The following MATN3 variants were observed in gnomAD, a reference collection of about 807,000 sequenced individuals.
The protein encoded by MATN3 is matrilin 3.
Under a neutral mutation model 45.3 loss-of-function variants are expected in MATN3, and 48 were observed. The ratio of observed to expected loss-of-function variants is 1.06; its 90% confidence interval spans 0.84 to 1.35. The LOEUF (loss-of-function observed/expected upper bound fraction) is 1.35. Ranked by LOEUF, MATN3 falls within the 40% of genes most tolerant of loss-of-function variation. The pLI, the probability that MATN3 is intolerant of heterozygous loss-of-function variation, is 0.00. For missense variants in MATN3, 599 were observed against 628.0 expected, an observed-to-expected ratio of 0.95 and a Z score of 0.49; for synonymous variants, 217 against 245.9, an observed-to-expected ratio of 0.88 and a Z score of 1.10.
intron 2 of MATN3, 90 bp from the exon 3 acceptor site, chr2:20,003,376 C>A (rs984199936): frequency 9.2e-6 from 12 of 1,307,734 alleles, no homozygotes; most frequent in Non-Finnish European, 1.2e-5. Flanking sequence ...GCTCTCTGGG[C>A]TCCTTTCCGA....
At position 19,992,292 on chromosome 2, in the gene MATN3, A is replaced by C. The variant is rs2103477055; in HGVS notation, c.*819T>G. 1 of 152,256 alleles carries C rather than the reference A, an allele frequency of 6.6e-6. No individual in the cohort carries two copies. The highest frequency in any genetic ancestry group is 1.5e-5 in the Non-Finnish European group (1 of 67,960). The allele number at this position is 152,256 out of a possible 1,614,324, so 9.4% of individuals were successfully genotyped here. A position where few individuals can be genotyped will look rare whatever the true frequency, so the allele number is the denominator to read the frequency against. ...AGACTTTCAAGCCTGTAATCCCAGC[A>C]CTTTGGGAGGCTGAGGCAGGTGGAT... is the stretch of plus-strand genomic sequence containing the variant. On this transcript the variant is annotated 3_prime_UTR_variant, in exon 8 of 8. Coordinates refer to ENST00000407540, the MANE Select transcript of MATN3 (RefSeq NM_002381.5).
intron 1 of MATN3, among the ~76,000 whole-genome samples, chr2:20,009,091 G>A (rs926655328): frequency 1.3e-4 from 20 of 151,890 alleles, no homozygotes; most frequent in Admixed American, 5.3e-4. Flanking sequence ...CAGGCATGGT[G>A]GCAGGCACCT....
chr2:20,010,115 G>A (rs1188978969), intron 1 of MATN3, among the ~76,000 whole-genome samples: 1 of 127,914 alleles, frequency 7.8e-6, no homozygotes, highest in Non-Finnish European at 1.6e-5. Context: ...CTTCATTCCT[G>A]GAAAGTCCCA....
intron 3 of MATN3, 28 bp from the exon 4 acceptor site, chr2:20,002,108 A>G (rs1447399251): frequency 1.0e-5 from 16 of 1,603,176 alleles, no homozygotes; most frequent in Non-Finnish European, 1.3e-5. Flanking sequence ...GGACAAATGT[A>G]AATGCATGCA....
Position 20,012,660 on chromosome 2 carries a change from G to A in MATN3, c.-29C>T, listed in dbSNP as rs1673243300. ...GGGCTCCGTGGGCCTGGTGGTGTCC[G>A]TCGGGGGCCAGGAGCCCACGCGAGG... is the stretch of plus-strand genomic sequence containing the variant. On this transcript the variant is annotated 5_prime_UTR_variant, in exon 1 of 8. The change creates a new upstream start codon in the 5' untranslated region. Transcript: ENST00000407540. The surrounding 1 kb of genome is among the most constrained non-coding windows in gnomAD (Gnocchi z 4.3). 3.6e-6 allele frequency: 4 copies of A among 1,107,150 alleles called. No individual in the cohort carries two copies. In the African/African-American group the frequency reaches 6.5e-5, roughly 18 times the overall value. The allele number at this position is 1,107,150 out of a possible 1,614,324, so 68.6% of individuals were successfully genotyped here.
chr2:20,003,352 T>A (rs926518208), intron 2 of MATN3, 66 bp from the exon 3 acceptor site: 4 of 1,478,060 alleles, frequency 2.7e-6, no homozygotes, highest in Middle Eastern at 1.8e-4. Flanking sequence ...CCGTCTCCCA[T>A]GTCAATAGAC....
chr2:19,998,879 G>A (rs934750205), intron 5 of MATN3, among the ~76,000 whole-genome samples: 6 of 152,162 alleles, frequency 3.9e-5, no homozygotes, highest in African/African-American at 1.4e-4. Context: ...TAGTGGTTAA[G>A]AGCCTATGTA....
chr2:19,992,978 G>T lies in MATN3; in HGVS notation c.*133C>A. On this transcript the variant is annotated 3_prime_UTR_variant, in exon 8 of 8. Transcript: ENST00000407540. Reference sequence around the variant, plus strand: ...AGAAGATCTTCATACAATTTATCCAGTAATATTCAAGCATTAATACAGATA... The same window carrying T: ...AGAAGATCTTCATACAATTTATCCATTAATATTCAAGCATTAATACAGATA... 1 of 707,144 alleles carries T rather than the reference G, an allele frequency of 1.4e-6. No individual in the cohort carries two copies. The highest frequency in any genetic ancestry group is 2.5e-6 in the Non-Finnish European group (1 of 398,686). 43.8% of individuals were successfully genotyped at this position (707,144 alleles called of 1,614,324 possible).
In MATN3 at chr2:20,012,073, G is replaced by A. The variant is rs1572388703; in HGVS notation, c.223+336C>T. The stretch of plus-strand genomic sequence containing the variant: ...AACTAACAGCAGAGTCTCAGGAAGG[G>A]TTTGCTCACTGAATGGAGAGGTCAG... On this transcript the variant is annotated intron_variant, in intron 1 of 7. Coordinates refer to ENST00000407540, the MANE Select transcript of MATN3 (RefSeq NM_002381.5). This position sits in a 1 kb window ranked among gnomAD's most constrained non-coding sequence, Gnocchi z 4.3. Among the ~76,000 whole-genome samples the A allele has an allele frequency of 6.6e-6, 1 of 152,188 alleles. No homozygotes were observed. Among genetic ancestry groups the A allele is most frequent in the South Asian group, 2.1e-4 (1 of 4,832 alleles).
chr2:20,007,594 A>G (rs1332102376), intron 1 of MATN3, among the ~76,000 whole-genome samples: 1 of 152,232 alleles, frequency 6.6e-6, no homozygotes, highest in Non-Finnish European at 1.5e-5. Flanking sequence ...TTCCAGCTTC[A>G]TGAGCATGTC....
At position 20,010,067 on chromosome 2, in the gene MATN3, TAAAAAAAAAAAAAAAAAAA is replaced by T. The variant is rs57140153; in HGVS notation, c.223+2323_223+2341del. On this transcript the variant is annotated intron_variant, in intron 1 of 7. Coordinates refer to ENST00000407540, the MANE Select transcript of MATN3 (RefSeq NM_002381.5). ...TCTCAGAATAAATCTCTTCAAATAC[TAAAAAAAAAAAAAAAAAAA>T]AAAACCTCCAGAATTTTACTTCATT... is the stretch of plus-strand genomic sequence containing the variant. 3.3e-4 allele frequency among the ~76,000 whole-genome samples: 23 copies of T among 68,708 alleles called. 1 individual carries two copies. The highest frequency in any genetic ancestry group is 1.7e-3 in the African/African-American group (23 of 13,858). 45.1% of individuals were successfully genotyped at this position (68,708 alleles called of 152,430 possible).
chr2:19,993,985 G>C (rs1672809514), intron 7 of MATN3, among the ~76,000 whole-genome samples: 1 of 152,092 alleles, frequency 6.6e-6, no homozygotes, highest in Admixed American at 6.6e-5. Flanking sequence ...TCTGAACTAA[G>C]AAAGCCATAT....
At position 19,995,422 on chromosome 2, in the gene MATN3, C is replaced by T. The variant is rs1010393998; in HGVS notation, c.1295-1013G>A. The stretch of plus-strand genomic sequence containing the variant: ...GAGCTGAGATCGCACCACTGCACTC[C>T]AGCCTGGGTGACAGATTGAAATGTC... On this transcript the variant is annotated intron_variant, in intron 6 of 7. Transcript: ENST00000407540. This position sits in a 1 kb window ranked among gnomAD's most constrained non-coding sequence, Gnocchi z 4.2. 2.6e-5 allele frequency among the ~76,000 whole-genome samples: 4 copies of T among 152,088 alleles called. No individual in the cohort carries two copies. The highest frequency in any genetic ancestry group is 5.9e-5 in the Non-Finnish European group (4 of 68,016).
At chr2:19,996,451 G>A (rs1307764098) in intron 6 of MATN3, among the ~76,000 whole-genome samples, 1 of 151,950 alleles carries the variant, frequency 6.6e-6, no homozygotes, top group African/African-American at 2.4e-5. Context: ...TAGTAACCAG[G>A]AAATGAAAAA....
At position 20,012,578 on chromosome 2, in the gene MATN3, C is replaced by T. The variant is rs1031688162; in HGVS notation, c.54G>A (p.Trp18Ter). The T allele has an allele frequency of 2.0e-5, 24 of 1,226,712 alleles. No individual in the cohort carries two copies. Among genetic ancestry groups the T allele is most frequent in the Non-Finnish European group, 2.1e-5 (21 of 985,636 alleles). The allele number at this position is 1,226,712 out of a possible 1,614,324, so 76.0% of individuals were successfully genotyped here. Residue 18 changes from tryptophan (W) to a stop codon, truncating the protein, a stop_gained, in exon 1 of 8, where the codon TGG becomes TGA. Coordinates refer to ENST00000407540, the MANE Select transcript of MATN3 (RefSeq NM_002381.5). LOFTEE classifies it high-confidence loss of function. The surrounding 1 kb of genome is among the most constrained non-coding windows in gnomAD (Gnocchi z 4.3). ...RRLPGLLLLLWPLLLLPSAAP... is the reference protein window; with the variant it reads ...RRLPGLLLLL The stretch of plus-strand genomic sequence containing the variant: ...CGGCGGAGGGCAGCAGCAGCAGCGG[C>T]CAGAGCAGCAGGAGGAGTCCCGGGA...
chr2:20,012,499 C>T lies in MATN3; in HGVS notation c.133G>A (p.Gly45Arg), dbSNP rs1052839893. The change falls in exon 1 of 8, where the codon GGG becomes AGG. Residue 45 changes from glycine to arginine, a missense_variant. By Grantham distance (125) the Gly-to-Arg change is moderately radical. Coordinates refer to ENST00000407540, the MANE Select transcript of MATN3 (RefSeq NM_002381.5). The surrounding 1 kb of genome is among the most constrained non-coding windows in gnomAD (Gnocchi z 4.3). ...GAGGGGCGGCGTCCAGGGCTGCCCC[C>T]GGGACCTCGGGTCTCCAGCCTCCGG... ...GFRRLETRGP[G>R]GSPGRRPSPA... The T allele has an allele frequency of 8.1e-7, 1 of 1,228,578 alleles. No homozygotes were observed. The highest frequency in any genetic ancestry group is 1.0e-6 in the Non-Finnish European group (1 of 986,034). The allele number at this position is 1,228,578 out of a possible 1,614,324, so 76.1% of individuals were successfully genotyped here.
intron 4 of MATN3, 97 bp downstream of exon 4, chr2:20,001,858 A>C: frequency 8.1e-7 from 1 of 1,234,336 alleles, no homozygotes; most frequent in Admixed American, 2.2e-5. Context: ...AGAGAGGAAA[A>C]CACACCAACT....
At chr2:20,005,643 C>T (rs1013021352) in intron 2 of MATN3, 101 bp downstream of exon 2, 26 of 1,075,874 alleles carry the variant, frequency 2.4e-5, no homozygotes, top group Non-Finnish European at 3.1e-5. Flanking sequence ...TTAAGTTTTT[C>T]ATTAAATTTC....
Position 19,992,799 on chromosome 2 carries a change from A to T in MATN3, c.*312T>A, listed in dbSNP as rs1301097731. ...TATGGTTATCTAATATAAACATTTA[A>T]AAATTAAATGGCTCAATTAGTAGAT... On this transcript the variant is annotated 3_prime_UTR_variant, in exon 8 of 8. Coordinates refer to ENST00000407540, the MANE Select transcript of MATN3 (RefSeq NM_002381.5). 2 of 293,284 alleles carry T rather than the reference A, an allele frequency of 6.8e-6. No individual in the cohort carries two copies. The highest frequency in any genetic ancestry group is 6.3e-6 in the Non-Finnish European group (1 of 158,958). 18.2% of individuals were successfully genotyped at this position (293,284 alleles called of 1,614,324 possible). A position where few individuals can be genotyped will look rare whatever the true frequency, so the allele number is the denominator to read the frequency against.
Sources: allele counts gnomAD v4.1 joint callset (sites outside exome capture counted in the v4.1 genomes callset), GRCh38; gene constraint gnomAD v4.1.1; non-coding constraint Gnocchi (gnomAD v3.1); transcripts MANE v1.5; gene names NCBI Gene and HGNC (gene_info 2026-07-23, HGNC 2026-07-21).